The following CPS1 variants were observed in gnomAD, a reference collection of about 807,000 sequenced individuals.
CPS1 encodes the protein carbamoyl-phosphate synthase [ammonia], mitochondrial.
A neutral mutation model predicts 174.6 loss-of-function variants in CPS1; 109 were observed. The ratio of observed to expected loss-of-function variants is 0.62; its 90% CI spans 0.53 to 0.73. CPS1 has a LOEUF of 0.73. CPS1 is among the 30% of genes least tolerant of loss of function. The pLI, the probability that CPS1 is intolerant of heterozygous loss-of-function variation, is 0.00. For missense variants in CPS1, 1,689 were observed against 1,821.9 expected, an observed-to-expected ratio of 0.93 and a Z score of 1.33; for synonymous variants, 637 against 632.0, an observed-to-expected ratio of 1.01 and a Z score of -0.12.
At chr2:210,591,787 T>C (rs769173479) in intron 9 of CPS1, 44 bp from the exon 10 acceptor site, 2 of 1,599,322 alleles carry the variant, frequency 1.3e-6, no homozygotes, top group East Asian at 2.2e-5. Flanking sequence ...TATTATTCTC[T>C]TCACTTTTCC....
intron 1 of CPS1, among the ~76,000 whole-genome samples, chr2:210,561,458 C>T (rs771530958): frequency 6.6e-6 from 1 of 152,176 alleles, no homozygotes; most frequent in Non-Finnish European, 1.5e-5. Flanking sequence ...GACATTAGGT[C>T]TTATTGCTAT....
At position 210,616,558 on chromosome 2, in the gene CPS1, C is replaced by T. The variant is rs369467015; in HGVS notation, c.2687+17C>T. ...CCTCAACAGGTAAGGCAGTGCTGCTCTCATTCATGCCAGACACCTTCAGTG... is the reference window on the plus strand; with the variant it reads ...CCTCAACAGGTAAGGCAGTGCTGCTTTCATTCATGCCAGACACCTTCAGTG... On this transcript the variant is annotated intron_variant, in intron 21 of 37. Transcript: ENST00000233072. The T allele has an allele frequency of 2.1e-6, 3 of 1,426,620 alleles. No homozygotes were observed. The highest frequency in any genetic ancestry group is 3.0e-6 in the Non-Finnish European group (3 of 1,010,934). The allele number at this position is 1,426,620 out of a possible 1,614,324, so 88.4% of individuals were successfully genotyped here.
At chr2:210,634,344 G>C (rs900364576) in intron 21 of CPS1, among the ~76,000 whole-genome samples, 1 of 152,164 alleles carries the variant, frequency 6.6e-6, no homozygotes, top group Non-Finnish European at 1.5e-5. Context: ...GCAGCAGAAT[G>C]GTGTGAGCCC....
intron 21 of CPS1, among the ~76,000 whole-genome samples, chr2:210,620,972 G>T (rs541002125): frequency 6.6e-6 from 1 of 152,156 alleles, no homozygotes; most frequent in South Asian, 2.1e-4. Flanking sequence ...GAATATAGTA[G>T]CAATGGCAAC....
intron 1 of CPS1, among the ~76,000 whole-genome samples, chr2:210,541,956 C>T (rs892693091): frequency 1.3e-5 from 2 of 152,098 alleles, no homozygotes; most frequent in Admixed American, 1.3e-4. Context: ...GTGGCCACAT[C>T]TAGACCACTC....
intron 6 of CPS1, among the ~76,000 whole-genome samples, chr2:210,584,197 G>A (rs1442359914): frequency 6.6e-6 from 1 of 152,050 alleles, no homozygotes. Flanking sequence ...CTAGGACTAT[G>A]TATTTGGTTA....
chr2:210,665,476 T>A (rs1345261133), intron 33 of CPS1, among the ~76,000 whole-genome samples: 1 of 85,490 alleles, frequency 1.2e-5, no homozygotes. Flanking sequence ...CCCTCCCCCC[T>A]CCCCCCACTC....
At chr2:210,641,673 A>G (rs1295703213) in intron 24 of CPS1, among the ~76,000 whole-genome samples, 1 of 152,214 alleles carries the variant, frequency 6.6e-6, no homozygotes, top group Admixed American at 6.5e-5. Flanking sequence ...CTATTCATGC[A>G]GTAATTCTGC....
intron 11 of CPS1, chr2:210,593,471 G>A: frequency 1.0e-6 from 1 of 993,266 alleles, no homozygotes; most frequent in Non-Finnish European, 1.2e-6. Context: ...AGAACCACAA[G>A]GAATGCTTAG....
rs890532803 is a variant in CPS1, at chr2:210,658,420, T to C, written c.3667-179T>C. The C allele has an allele frequency of 4.2e-5, 24 of 578,266 alleles. 1 individual carries two copies. The Middle Eastern group carries it at 1.9e-3, about 45-fold the overall frequency. The allele number at this position is 578,266 out of a possible 1,614,324, so 35.8% of individuals were successfully genotyped here. A position where few individuals can be genotyped will look rare whatever the true frequency, so the allele number is the denominator to read the frequency against. On this transcript the variant is annotated intron_variant, in intron 30 of 37. Coordinates refer to ENST00000233072, the MANE Select transcript of CPS1 (RefSeq NM_001875.5). ...TATTATTTTGTGTGTATTTATTGCA[T>C]ATTATTTTGTTAATAGAAACCTAAT...
Position 210,647,848 on chromosome 2 carries a change from G to T in CPS1, c.3142-15G>T. The T allele has an allele frequency of 6.2e-7, 1 of 1,613,622 alleles. No individual in the cohort carries two copies. The highest frequency in any genetic ancestry group is 1.1e-5 in the South Asian group (1 of 91,028). ...AAGTTATTCCAATGGCTGATATTGT[G>T]AGTGTATTTTCCAGGCATGTGGTGG... is the stretch of plus-strand genomic sequence containing the variant. On this transcript the variant is annotated splice_polypyrimidine_tract_variant and intron_variant, in intron 25 of 37. Coordinates refer to ENST00000233072, the MANE Select transcript of CPS1 (RefSeq NM_001875.5).
intron 25 of CPS1, among the ~76,000 whole-genome samples, chr2:210,644,806 T>G (rs1700326478): frequency 6.7e-6 from 1 of 149,704 alleles, no homozygotes; most frequent in East Asian, 1.9e-4. Context: ...TCAGAAATAT[T>G]CTTGTGCTAT....
chr2:210,586,027 T>C (rs1698096498), intron 6 of CPS1, among the ~76,000 whole-genome samples: 1 of 151,180 alleles, frequency 6.6e-6, no homozygotes, highest in Non-Finnish European at 1.5e-5. Context: ...AGCGTGAGAG[T>C]TTTTAAAGGC....
At position 210,562,059 on chromosome 2, in the gene CPS1, C is replaced by T. The variant is rs1697119077; in HGVS notation, c.126+5200C>T. Among the ~76,000 whole-genome samples the T allele has an allele frequency of 1.3e-5, 2 of 152,124 alleles. 1 individual carries two copies. Among genetic ancestry groups the T allele is most frequent in the South Asian group, 4.1e-4 (2 of 4,828 alleles). On this transcript the variant is annotated intron_variant, in intron 1 of 37. Transcript: ENST00000233072. Reference sequence around the variant, plus strand: ...ATGTAGGTTCCTCCAGGATTCTGAACAACTTGCCACATAGCAGATGCTCAG... The same window carrying T: ...ATGTAGGTTCCTCCAGGATTCTGAATAACTTGCCACATAGCAGATGCTCAG...
chr2:210,645,032 A>T (rs1420518183), intron 25 of CPS1, among the ~76,000 whole-genome samples: 2 of 152,218 alleles, frequency 1.3e-5, no homozygotes, highest in East Asian at 3.9e-4. Context: ...GATAAGGATG[A>T]TGATTTACCT....
intron 1 of CPS1, among the ~76,000 whole-genome samples, chr2:210,494,598 T>C (rs1328379576): frequency 1.3e-5 from 2 of 152,206 alleles, no homozygotes; most frequent in Non-Finnish European, 2.9e-5. Flanking sequence ...GTGAGCACTT[T>C]CAGCTTCAAA....
rs567330720 is a variant in CPS1, at chr2:210,582,821, A to G, written c.621+112A>G. The G allele has an allele frequency of 6.1e-6, 5 of 815,490 alleles. No individual in the cohort carries two copies. In the Admixed American group the frequency reaches 7.9e-5, roughly 13 times the overall value. The allele number at this position is 815,490 out of a possible 1,614,324, so 50.5% of individuals were successfully genotyped here. On this transcript the variant is annotated intron_variant, in intron 6 of 37. Coordinates refer to ENST00000233072, the MANE Select transcript of CPS1 (RefSeq NM_001875.5). ...TTATCTTCCAGAAGCACCAGTGTTC[A>G]GGGGTAGAAAGGGATCTCATAGCAG...
intron 32 of CPS1, among the ~76,000 whole-genome samples, chr2:210,661,836 T>A (rs539445278): frequency 6.6e-6 from 1 of 152,146 alleles, no homozygotes; most frequent in Non-Finnish European, 1.5e-5. Context: ...TATAGGAGTA[T>A]GCTTATTTCT....
chr2:210,641,636 T>C (rs995112609), intron 24 of CPS1, among the ~76,000 whole-genome samples: 1 of 152,130 alleles, frequency 6.6e-6, no homozygotes, highest in African/African-American at 2.4e-5. Flanking sequence ...CTCTCTGGAG[T>C]ACTTTTTCTT....
Sources: allele counts gnomAD v4.1 joint callset (sites outside exome capture counted in the v4.1 genomes callset), GRCh38; gene constraint gnomAD v4.1.1; transcripts MANE v1.5; gene names NCBI Gene and HGNC (gene_info 2026-07-23, HGNC 2026-07-21).